The following ZNF85 variants were observed in gnomAD, a reference collection of about 807,000 sequenced individuals.
The protein encoded by ZNF85 is zinc finger protein 85, also known as zinc finger protein 85 (HPF4, HTF1).
Under a neutral mutation model 53.9 loss-of-function variants are expected in ZNF85, and 50 were observed. The ratio of observed to expected loss-of-function variants is 0.93; its 90% CI spans 0.74 to 1.17. ZNF85 has a LOEUF of 1.17. ZNF85 is among the 50% of genes most tolerant of loss of function. The pLI is 0.00. For synonymous variants in ZNF85, 225 were observed against 226.1 expected, an observed-to-expected ratio of 1.00 and a Z score of 0.04; for missense variants, 747 against 688.5, an observed-to-expected ratio of 1.08 and a Z score of -0.95.
intron 3 of ZNF85, among the ~76,000 whole-genome samples, chr19:20,947,591 T>G (rs749241169): frequency 2.7e-5 from 4 of 148,284 alleles, no homozygotes; most frequent in Non-Finnish European, 6.0e-5. Flanking sequence ...AATTTACTAG[T>G]AATCTCATAA....
chr19:20,938,217 A>G (rs1008450111), intron 3 of ZNF85, among the ~76,000 whole-genome samples: 2 of 152,144 alleles, frequency 1.3e-5, no homozygotes, highest in African/African-American at 4.8e-5. Flanking sequence ...TTACAGGCAC[A>G]CACCACCACA....
chr19:20,942,126 C>G (rs146644095), intron 3 of ZNF85, among the ~76,000 whole-genome samples: 1 of 151,798 alleles, frequency 6.6e-6, no homozygotes, highest in Non-Finnish European at 1.5e-5. Context: ...TGTGTCAGTA[C>G]CACATTGCTT....
intron 3 of ZNF85, among the ~76,000 whole-genome samples, chr19:20,935,743 T>A (rs1368758494): frequency 1.3e-5 from 2 of 151,354 alleles, no homozygotes; most frequent in Non-Finnish European, 2.9e-5. Context: ...TGCCTCAGGG[T>A]TTCTCAATGT....
rs988658469 is a variant in ZNF85 at position 20,950,377 on chromosome 19, A to C, written c.*75A>C. 2 of 1,021,916 alleles carry C rather than the reference A, an allele frequency of 2.0e-6. No homozygotes were observed. Among genetic ancestry groups the C allele is most frequent in the African/African-American group, 1.6e-5 (1 of 61,240 alleles). 63.3% of individuals were successfully genotyped at this position (1,021,916 alleles called of 1,614,324 possible). A position where few individuals can be genotyped will look rare whatever the true frequency, so the allele number is the denominator to read the frequency against. On this transcript the variant is annotated 3_prime_UTR_variant, in exon 4 of 4. Transcript: ENST00000328178. Reference sequence around the variant, plus strand: ...AAATTTATACTGGAGAGAAACTACTAACCTGAAAGATGTGACAATAATTTT... The same window carrying C: ...AAATTTATACTGGAGAGAAACTACTCACCTGAAAGATGTGACAATAATTTT...
At chr19:20,933,945 C>A in intron 1 of ZNF85, 79 bp from the exon 2 acceptor site, 1 of 1,377,784 alleles carries the variant, frequency 7.3e-7, no homozygotes, top group South Asian at 1.8e-5. Context: ...TTTTCATAAC[C>A]AGTTGGTAAT....
chr19:20,923,420 C>T lies in ZNF85; in HGVS notation c.3+17C>T, dbSNP rs768905967. 5 of 1,613,930 alleles carry T rather than the reference C, an allele frequency of 3.1e-6. No individual in the cohort carries two copies. The East Asian group carries it at 6.7e-5, about 22-fold the overall frequency. ...CTAGAAATGGTGAGAGTGCCAGGTC[C>T]GCCATCCCGAGGGGGAAAGGGGTTG... On this transcript the variant is annotated intron_variant, in intron 1 of 3. Coordinates refer to ENST00000328178, the MANE Select transcript of ZNF85 (RefSeq NM_003429.5).
At chr19:20,935,314 A>G (rs950206819) in intron 3 of ZNF85, among the ~76,000 whole-genome samples, 5 of 152,136 alleles carry the variant, frequency 3.3e-5, no homozygotes, top group African/African-American at 1.2e-4. Flanking sequence ...CATATAAGAG[A>G]CTGCGCAGTC....
chr19:20,935,791 C>G (rs1460134117), intron 3 of ZNF85, among the ~76,000 whole-genome samples: 1 of 151,984 alleles, frequency 6.6e-6, no homozygotes, highest in Non-Finnish European at 1.5e-5. Context: ...CTCAGGTGAT[C>G]CATGTGCCTT....
In ZNF85 at chr19:20,948,897, A is replaced by G. The variant is rs1009106917; in HGVS notation, c.383A>G (p.Lys128Arg). The change falls in exon 4 of 4, where the codon AAA becomes AGA. Residue 128 changes from lysine to arginine, a missense_variant. Coordinates refer to ENST00000328178, the MANE Select transcript of ZNF85 (RefSeq NM_003429.5). Reference sequence around the variant, plus strand: ...AGTATGGATGAGTGTAAGATGCACAAAGGAGGTTGTAATGGACTTAACCAA... The same window carrying G: ...AGTATGGATGAGTGTAAGATGCACAGAGGAGGTTGTAATGGACTTAACCAA... ...CESMDECKMHKGGCNGLNQCL... is the reference protein window; with the variant it reads ...CESMDECKMHRGGCNGLNQCL... The G allele has an allele frequency of 3.7e-6, 6 of 1,613,620 alleles. No individual in the cohort carries two copies. Among genetic ancestry groups the G allele is most frequent in the Non-Finnish European group, 5.1e-6 (6 of 1,179,774 alleles).
chr19:20,938,122 T>C (rs1263517975), intron 3 of ZNF85, among the ~76,000 whole-genome samples: 1 of 152,138 alleles, frequency 6.6e-6, no homozygotes, highest in Non-Finnish European at 1.5e-5. Flanking sequence ...ACACAGGCTT[T>C]AGTGCAGTGG....
chr19:20,946,435 T>TTCCG (rs1973421944), intron 3 of ZNF85: 6 of 341,752 alleles, frequency 1.8e-5, no homozygotes, highest in Non-Finnish European at 3.4e-5. Context: ...CCTTCTAATA[T>TTCCG]TCTTTTTTTT....
rs1211588342 is a variant in ZNF85, at chr19:20,950,550, CTTAA to C, written c.*251_*254del. ...TACAAGTGCAAACAATGTGGCAAAA[CTTAA>C]TTTATGCTCACACCTTACTGCACAG... On this transcript the variant is annotated 3_prime_UTR_variant, in exon 4 of 4. Coordinates refer to ENST00000328178, the MANE Select transcript of ZNF85 (RefSeq NM_003429.5). The C allele has an allele frequency of 4.0e-5, 14 of 351,804 alleles. No homozygotes were observed. Among genetic ancestry groups the C allele is most frequent in the East Asian group, 1.8e-4 (4 of 22,362 alleles). 21.8% of individuals were successfully genotyped at this position (351,804 alleles called of 1,614,324 possible). A position where few individuals can be genotyped will look rare whatever the true frequency, so the allele number is the denominator to read the frequency against.
chr19:20,930,455 T>A (rs1234843592), intron 1 of ZNF85, among the ~76,000 whole-genome samples: 2 of 152,140 alleles, frequency 1.3e-5, no homozygotes, highest in Non-Finnish European at 1.5e-5. Context: ...TTTTCTTCTA[T>A]GCAATTAAAA....
chr19:20,938,716 A>G (rs1450277279), intron 3 of ZNF85, among the ~76,000 whole-genome samples: 3 of 152,184 alleles, frequency 2.0e-5, no homozygotes, highest in African/African-American at 7.2e-5. Context: ...GTTACTTATA[A>G]ATTTAAGTTT....
chr19:20,937,270 T>G, intron 3 of ZNF85: 1 of 452,648 alleles, frequency 2.2e-6, no homozygotes, highest in South Asian at 1.6e-5. Flanking sequence ...GACCTCGTGA[T>G]CCACCCACCT....
intron 3 of ZNF85, among the ~76,000 whole-genome samples, chr19:20,937,922 C>G (rs540310043): frequency 6.6e-6 from 1 of 152,298 alleles, no homozygotes; most frequent in Admixed American, 6.5e-5. Context: ...AACAGAGTTT[C>G]TGTAGATTGC....
intron 3 of ZNF85, chr19:20,943,126 A>G (rs555132891): frequency 2.7e-6 from 1 of 367,618 alleles, no homozygotes; most frequent in Non-Finnish European, 4.8e-6. Flanking sequence ...AGAATACACA[A>G]GGTGCAAATA....
rs756771052 is a variant in ZNF85 at position 20,950,106 on chromosome 19, T to C, written c.1592T>C (p.Ile531Thr). The part of the protein sequence containing the change: ...QSSKLTKHKK[I>T]HTGEKPYTCE... ...TCAAAACTTACCAAACATAAGAAAA[T>C]TCATACTGGAGAGAAACCCTACACA... is the stretch of plus-strand genomic sequence containing the variant. Residue 531 changes from isoleucine to threonine, a missense_variant, in exon 4 of 4, where the codon ATT (isoleucine) becomes ACT (threonine). Physicochemically the swap from Ile to Thr is moderately conservative, Grantham distance 89 (BLOSUM62 -1). Transcript: ENST00000328178. 3 of 1,613,148 alleles carry C rather than the reference T, an allele frequency of 1.9e-6. No homozygotes were observed. Among genetic ancestry groups the C allele is most frequent in the East Asian group, 2.2e-5 (1 of 44,806 alleles).
Position 20,942,796 on chromosome 19 carries a change from C to T in ZNF85, c.230-5948C>T, listed in dbSNP as rs111959043. ...GTTGTTGTTGTCATTGTTATTTTGA[C>T]GCAGAATCTTACTCTGTCACCCAGT... On this transcript the variant is annotated intron_variant, in intron 3 of 3. Transcript: ENST00000328178. 766 of 698,956 alleles carry T rather than the reference C, an allele frequency of 1.1e-3. 1 individual carries two copies. Among genetic ancestry groups the T allele is most frequent in the Non-Finnish European group, 1.4e-3 (528 of 383,784 alleles). The allele number at this position is 698,956 out of a possible 1,614,324, so 43.3% of individuals were successfully genotyped here.
Sources: allele counts gnomAD v4.1 joint callset (sites outside exome capture counted in the v4.1 genomes callset), GRCh38; gene constraint gnomAD v4.1.1; transcripts MANE v1.5; gene names NCBI Gene and HGNC (gene_info 2026-07-23, HGNC 2026-07-21).